Variants in PCDHA7 observed in about 807,000 individuals in gnomAD.
PCDHA7 encodes protocadherin alpha-7.
Under a neutral mutation model 57.2 loss-of-function variants are expected in PCDHA7, and 37 were observed. The observed-to-expected ratio is 0.65, with a 90% confidence interval of 0.50 to 0.85. The LOEUF is 0.85. Among genes scored for constraint, PCDHA7 ranks in the 40% least tolerant of loss-of-function variants. The pLI, the probability that PCDHA7 is intolerant of heterozygous loss-of-function variation, is 0.00. For missense variants in PCDHA7, 1,188 were observed against 1,241.8 expected (o/e 0.96, Z 0.65); for synonymous variants, 553 against 558.8 (o/e 0.99, Z 0.15).
intron 3 of PCDHA7, among the ~76,000 whole-genome samples, chr5:140,984,674 G>A (rs2097114009): frequency 6.6e-6 from 1 of 152,090 alleles, no homozygotes; most frequent in Non-Finnish European, 1.5e-5. Context: ...AGGTTTTTAG[G>A]ACTCAATATA....
At chr5:140,882,076 G>T in intron 1 of PCDHA7, 1 of 920,546 alleles carries the variant, frequency 1.1e-6, no homozygotes. Flanking sequence ...TGCGCATGGT[G>T]TCGCTCTTCA....
chr5:140,863,124 C>T (rs1554157805), intron 1 of PCDHA7: 1 of 594,982 alleles, frequency 1.7e-6, no homozygotes, highest in Non-Finnish European at 3.3e-6. Flanking sequence ...AAGCTACGCG[C>T]CACCGCCTGC....
chr5:140,851,270 A>G lies in PCDHA7; in HGVS notation c.2355+14532A>G. On this transcript the variant is annotated intron_variant, in intron 1 of 3. Transcript: ENST00000525929. ...ATGCATAGTATTTTAGTCTACTTGTATTGTTTATAAGAAACCCAAGCAAAA... is the reference window on the plus strand; with the variant it reads ...ATGCATAGTATTTTAGTCTACTTGTGTTGTTTATAAGAAACCCAAGCAAAA... The G allele has an allele frequency of 9.4e-6, 10 of 1,065,088 alleles. 1 individual carries two copies. Among genetic ancestry groups the G allele is most frequent in the Non-Finnish European group, 1.1e-5 (9 of 851,818 alleles). 66.0% of individuals were successfully genotyped at this position (1,065,088 alleles called of 1,614,324 possible).
At chr5:140,975,562 A>T (rs1445534188) in intron 1 of PCDHA7, among the ~76,000 whole-genome samples, 2 of 152,206 alleles carry the variant, frequency 1.3e-5, no homozygotes, top group African/African-American at 4.8e-5. Flanking sequence ...GGAAAAGGAG[A>T]TATTATATGC....
intron 1 of PCDHA7, among the ~76,000 whole-genome samples, chr5:140,923,970 C>T (rs2081601306): frequency 2.6e-5 from 4 of 152,220 alleles, no homozygotes; most frequent in Admixed American, 2.6e-4. Flanking sequence ...TATACCCACA[C>T]ATACTATCCC....
Position 140,857,393 on chromosome 5 carries a change from G to A in PCDHA7, c.2355+20655G>A, listed in dbSNP as rs146099067. 164 of 1,598,378 alleles carry A rather than the reference G, an allele frequency of 1.0e-4. 11 individuals are homozygous for A. Among genetic ancestry groups the A allele is most frequent in the Non-Finnish European group, 1.3e-4 (157 of 1,167,892 alleles). ...GTCTGTGGAGGTGGCCGACGTGAAC[G>A]ACAACGCGCCTGCGTTCGCGCAGTC... On this transcript the variant is annotated intron_variant, in intron 1 of 3. Coordinates refer to ENST00000525929, the MANE Select transcript of PCDHA7 (RefSeq NM_018910.3).
chr5:140,858,449 G>C, intron 1 of PCDHA7: 1 of 1,532,030 alleles, frequency 6.5e-7, no homozygotes, highest in East Asian at 2.4e-5. Context: ...GGGTTATTAC[G>C]TTTTCATTTT....
At chr5:140,920,842 A>G (rs1377558160) in intron 1 of PCDHA7, among the ~76,000 whole-genome samples, 1 of 127,576 alleles carries the variant, frequency 7.8e-6, no homozygotes, top group Non-Finnish European at 1.7e-5. Flanking sequence ...GACCAAATCT[A>G]AAAAAAAAAA....
chr5:140,864,968 G>C (rs1354647495), intron 1 of PCDHA7: 1 of 152,146 alleles, frequency 6.6e-6, no homozygotes, highest in Non-Finnish European at 1.5e-5. Flanking sequence ...GAAGCCGAGG[G>C]AGGAGGATCG....
At chr5:140,863,590 A>G (rs1182896433) in intron 1 of PCDHA7, 1 of 358,846 alleles carries the variant, frequency 2.8e-6, no homozygotes, top group African/African-American at 2.1e-5. Flanking sequence ...CCTGGAAAGT[A>G]TTTCATTCCT....
At chr5:140,890,136 T>C (rs1297709763) in intron 1 of PCDHA7, among the ~76,000 whole-genome samples, 4 of 152,148 alleles carry the variant, frequency 2.6e-5, no homozygotes, top group Non-Finnish European at 4.4e-5. Flanking sequence ...TAGCTTGAAA[T>C]TGGCCATGGT....
At chr5:140,879,026 A>G (rs1381722750) in intron 1 of PCDHA7, among the ~76,000 whole-genome samples, 2 of 152,234 alleles carry the variant, frequency 1.3e-5, no homozygotes, top group Non-Finnish European at 2.9e-5. Context: ...GTTTTATTGA[A>G]GAGTGTCTTG....
intron 1 of PCDHA7, among the ~76,000 whole-genome samples, chr5:140,894,750 TTGTG>T (rs2064648260): frequency 6.6e-6 from 1 of 152,080 alleles, no homozygotes; most frequent in Admixed American, 6.5e-5. Context: ...ATTTTTTTTC[TTGTG>T]TGTATTTATT....
intron 1 of PCDHA7, among the ~76,000 whole-genome samples, chr5:140,939,959 G>A (rs1272327380): frequency 6.6e-6 from 1 of 152,150 alleles, no homozygotes; most frequent in Non-Finnish European, 1.5e-5. Flanking sequence ...TTATGTTAAA[G>A]TGTTCCACGA....
At chr5:140,926,204 G>C (rs888951769) in intron 1 of PCDHA7, among the ~76,000 whole-genome samples, 1 of 151,802 alleles carries the variant, frequency 6.6e-6, no homozygotes, top group South Asian at 2.2e-4. Context: ...CTTTCGGGGG[G>C]CTCCTGTTTC....
At position 140,856,829 on chromosome 5, in the gene PCDHA7, A is replaced by G. The variant is rs781823533; in HGVS notation, c.2355+20091A>G. The G allele has an allele frequency of 3.4e-5, 54 of 1,592,340 alleles. 7 individuals are homozygous for G. The highest frequency in any genetic ancestry group is 4.6e-5 in the Non-Finnish European group (54 of 1,162,524). ...AAATCAAGTGAACCAAACATTAGTA[A>G]TACGGCTCAACGCTTCTGATTCGGA... On this transcript the variant is annotated intron_variant, in intron 1 of 3. Coordinates refer to ENST00000525929, the MANE Select transcript of PCDHA7 (RefSeq NM_018910.3).
intron 1 of PCDHA7, among the ~76,000 whole-genome samples, chr5:140,962,883 T>C (rs570394633): frequency 5.6e-4 from 86 of 152,222 alleles, no homozygotes; most frequent in Non-Finnish European, 1.0e-3. Flanking sequence ...ATACATGAAT[T>C]AAAAAATGAA....
chr5:140,928,814 A>G, intron 1 of PCDHA7: 1 of 1,614,150 alleles, frequency 6.2e-7, no homozygotes, highest in East Asian at 2.2e-5. Context: ...GTTCGGGACC[A>G]TGGAGACCCA....
rs199624636 is a variant in PCDHA7, at chr5:141,009,721, C to T, written c.2598C>T (p.Ser866=). The change falls in exon 4 of 4, where the codon TCC becomes TCT. Residue 866 remains serine (S), a synonymous_variant. Coordinates refer to ENST00000525929, the MANE Select transcript of PCDHA7 (RefSeq NM_018910.3). ...FKYGPGNPKQ[S]GPGELPDKFI... ...ACGGACCAGGCAACCCCAAACAATCCGGTCCCGGTGAGTTGCCCGACAAAT... is the reference window on the plus strand; with the variant it reads ...ACGGACCAGGCAACCCCAAACAATCTGGTCCCGGTGAGTTGCCCGACAAAT... 1.3e-5 allele frequency: 21 copies of T among 1,614,012 alleles called. No individual in the cohort carries two copies. The highest frequency in any genetic ancestry group is 1.7e-5 in the Non-Finnish European group (20 of 1,180,038).
Sources: allele counts gnomAD v4.1 joint callset (sites outside exome capture counted in the v4.1 genomes callset), GRCh38; gene constraint gnomAD v4.1.1; transcripts MANE v1.5; gene names NCBI Gene and HGNC (gene_info 2026-07-23, HGNC 2026-07-21).